Variants in DNAI1 observed in about 807,000 individuals in gnomAD.
The protein encoded by DNAI1 is dynein, axonemal, intermediate polypeptide 1.
DNAI1 carries 67 observed loss-of-function variants against 92.0 expected under a neutral mutation model. The observed-to-expected ratio is 0.73, with a 90% CI of 0.60 to 0.89. The LOEUF (loss-of-function observed/expected upper bound fraction) is 0.89, where lower values mean the gene tolerates loss of function less well. Among genes scored for constraint, DNAI1 ranks in the 40% least tolerant of loss-of-function variants. DNAI1 has a pLI of 0.00. For synonymous variants in DNAI1, 323 were observed against 319.6 expected, an observed-to-expected ratio of 1.01 and a Z score of -0.11; for missense variants, 839 against 866.6, an observed-to-expected ratio of 0.97 and a Z score of 0.40.
intron 13 of DNAI1, among the ~76,000 whole-genome samples, chr9:34,509,331 C>T (rs1825019067): frequency 2.6e-5 from 4 of 152,092 alleles, no homozygotes; most frequent in East Asian, 1.9e-4. Context: ...GGAAGTGACA[C>T]GTCATTTGAA....
intron 6 of DNAI1, 37 bp from the exon 7 acceptor site, chr9:34,490,332 A>G (rs760239145): frequency 6.2e-7 from 1 of 1,614,092 alleles, no homozygotes; most frequent in Non-Finnish European, 8.5e-7. Flanking sequence ...CCACCTTCTC[A>G]CAGCTGATTC....
intron 1 of DNAI1, among the ~76,000 whole-genome samples, chr9:34,466,703 A>G (rs75017666): frequency 6.6e-6 from 1 of 152,228 alleles, no homozygotes; most frequent in African/African-American, 2.4e-5. Context: ...ATTGGAAAAC[A>G]ATTAATTCTG....
At chr9:34,460,196 T>C (rs1333610698) in intron 1 of DNAI1, among the ~76,000 whole-genome samples, 1 of 152,202 alleles carries the variant, frequency 6.6e-6, no homozygotes, top group Non-Finnish European at 1.5e-5. Context: ...TTCCTCAGCA[T>C]CACCACGGAA....
chr9:34,489,531 C>A, intron 5 of DNAI1, 82 bp downstream of exon 5: 1 of 1,540,680 alleles, frequency 6.5e-7, no homozygotes, highest in South Asian at 1.1e-5. Flanking sequence ...TACCTCTAAG[C>A]CAGAACTTTT....
chr9:34,503,436 A>G (rs1452715593), intron 12 of DNAI1, among the ~76,000 whole-genome samples: 1 of 152,116 alleles, frequency 6.6e-6, no homozygotes, highest in African/African-American at 2.4e-5. Flanking sequence ...CCCTCCCATA[A>G]TCAGCTTTTG....
At chr9:34,486,604 T>C (rs955944008) in intron 4 of DNAI1, among the ~76,000 whole-genome samples, 1 of 152,222 alleles carries the variant, frequency 6.6e-6, no homozygotes, top group Non-Finnish European at 1.5e-5. Context: ...TTTATTTTTT[T>C]GTTTTTTTGA....
intron 1 of DNAI1, among the ~76,000 whole-genome samples, chr9:34,465,043 C>A (rs2132039697): frequency 6.6e-6 from 1 of 152,298 alleles, no homozygotes; most frequent in Admixed American, 6.5e-5. Context: ...AGCCAAGTTG[C>A]ATGTTGCTAA....
intron 1 of DNAI1, among the ~76,000 whole-genome samples, chr9:34,475,032 T>A (rs972654614): frequency 2.0e-5 from 3 of 152,212 alleles, no homozygotes; most frequent in Non-Finnish European, 4.4e-5. Context: ...CATAGACCAC[T>A]ATTCAAAGTT....
At chr9:34,488,131 CTG>C (rs770384473) in intron 4 of DNAI1, 23 of 359,846 alleles carry the variant, frequency 6.4e-5, no homozygotes, top group Non-Finnish European at 1.2e-4. Context: ...GTGTCAGACA[CTG>C]TGTTAATAGG....
At chr9:34,488,326 C>T (rs1824514221) in intron 4 of DNAI1, 1 of 160,826 alleles carries the variant, frequency 6.2e-6, no homozygotes, top group South Asian at 1.5e-4. Context: ...TTAACCACTG[C>T]ACTGACTTGT....
At chr9:34,496,075 A>G (rs912382577) in intron 9 of DNAI1, among the ~76,000 whole-genome samples, 3 of 152,134 alleles carry the variant, frequency 2.0e-5, no homozygotes, top group Non-Finnish European at 4.4e-5. Context: ...AGACACTAAC[A>G]TGTATTATCA....
chr9:34,495,977 A>C (rs545880480), intron 9 of DNAI1, among the ~76,000 whole-genome samples: 1 of 152,296 alleles, frequency 6.6e-6, no homozygotes, highest in South Asian at 2.1e-4. Context: ...AGGTCCTCAA[A>C]GGTCAGTTCC....
chr9:34,497,347 G>C (rs993293310), intron 10 of DNAI1, 148 bp downstream of exon 10: 5 of 703,380 alleles, frequency 7.1e-6, no homozygotes, highest in Non-Finnish European at 1.3e-5. Context: ...TCACTGGGGA[G>C]ACAAGACTTA....
rs778259447 is a variant in DNAI1, at chr9:34,517,289, A to C, written c.1823A>C (p.His608Pro). Residue 608 changes from histidine (H) to proline (P), a missense_variant, in exon 19 of 20, where the codon CAC becomes CCC. Physicochemically the swap from His to Pro is moderately conservative, Grantham distance 77 (BLOSUM62 -2). Coordinates refer to ENST00000242317, the MANE Select transcript of DNAI1 (RefSeq NM_012144.4). ...CTGACACCGACCTCTCCACAGGCCCACATATTTGACTTAGCCATCAACAAG... is the reference window on the plus strand; with the variant it reads ...CTGACACCGACCTCTCCACAGGCCCCCATATTTGACTTAGCCATCAACAAG... The part of the protein sequence containing the change: ...FAAVTTDGKA[H>P]IFDLAINKYE... The C allele has an allele frequency of 1.7e-5, 28 of 1,613,740 alleles. No individual in the cohort carries two copies. Among genetic ancestry groups the C allele is most frequent in the Non-Finnish European group, 2.3e-5 (27 of 1,179,880 alleles).
At chr9:34,510,348 G>A (rs567239524) in intron 13 of DNAI1, among the ~76,000 whole-genome samples, 1 of 151,544 alleles carries the variant, frequency 6.6e-6, no homozygotes, top group East Asian at 1.9e-4. Context: ...CACTCTGTGG[G>A]GTGTGTGTGT....
intron 10 of DNAI1, among the ~76,000 whole-genome samples, chr9:34,497,721 T>TA: frequency 6.6e-6 from 1 of 152,234 alleles, no homozygotes; most frequent in East Asian, 1.9e-4. Flanking sequence ...TGGGAGTAGT[T>TA]ATGGAAGGCT....
At chr9:34,489,137 G>T in intron 4 of DNAI1, 186 bp from the exon 5 acceptor site, 2 of 655,042 alleles carry the variant, frequency 3.1e-6, no homozygotes, top group South Asian at 1.8e-5. Flanking sequence ...TATTTCATTT[G>T]TCTTCTCTTC....
At chr9:34,494,776 C>T (rs1252036171) in intron 9 of DNAI1, among the ~76,000 whole-genome samples, 2 of 152,174 alleles carry the variant, frequency 1.3e-5, no homozygotes, top group African/African-American at 4.8e-5. Flanking sequence ...GATTCCAGCC[C>T]TCTGGACCAA....
chr9:34,485,537 G>A lies in DNAI1; in HGVS notation c.261+20G>A. 1 of 1,611,692 alleles carries A rather than the reference G, an allele frequency of 6.2e-7. No individual in the cohort carries two copies. The highest frequency in any genetic ancestry group is 1.3e-5 in the African/African-American group (1 of 74,978). ...TTCAAAGTAAGTCATCCCCTCCTGG[G>A]CAGGGGCATCTATACCCATCTCCTT... On this transcript the variant is annotated intron_variant, in intron 4 of 19. Transcript: ENST00000242317.
Sources: gnomAD v4.1 joint callset for allele counts (sites outside exome capture counted in the v4.1 genomes callset) on GRCh38, gnomAD v4.1.1 for gene constraint, MANE v1.5 for transcripts, NCBI Gene and HGNC (gene_info 2026-07-23, HGNC 2026-07-21) for gene names.